Variants in LTN1 observed in about 807,000 individuals in gnomAD.
LTN1 encodes the protein E3 ubiquitin-protein ligase listerin.
A neutral mutation model predicts 201.2 loss-of-function variants in LTN1; 88 were observed. That is an observed-to-expected ratio of 0.44 (90% CI 0.37 to 0.52). LTN1 has a LOEUF of 0.52. Among genes scored for constraint, LTN1 ranks in the 20% least tolerant of loss-of-function variants. The pLI, the probability that LTN1 is intolerant of heterozygous loss-of-function variation, is 0.00. For synonymous variants in LTN1, 645 were observed against 713.5 expected (o/e 0.90, Z 1.53); for missense variants, 1,752 against 2,038.7 (o/e 0.86, Z 2.71).
chr21:28,939,201 AG>A (rs1208722645), intron 25 of LTN1, among the ~76,000 whole-genome samples: 32 of 152,370 alleles, frequency 2.1e-4, no homozygotes, highest in South Asian at 1.0e-3. Context: ...GATGATTTTA[AG>A]TAGTATACAG....
rs1172791942 is a variant in LTN1 at position 28,959,445 on chromosome 21, A to G, written c.2593+13T>C. The G allele has an allele frequency of 1.2e-6, 2 of 1,609,026 alleles. No individual in the cohort carries two copies. The highest frequency in any genetic ancestry group is 1.7e-6 in the Non-Finnish European group (2 of 1,176,750). Reference sequence around the variant, plus strand: ...GAGATTCCCAACAAAACATTTGAGCAGTAGGCTATTACCTGGCAAATGTGT... The same window carrying G: ...GAGATTCCCAACAAAACATTTGAGCGGTAGGCTATTACCTGGCAAATGTGT... On this transcript the variant is annotated intron_variant, in intron 13 of 29. Transcript: ENST00000361371.
At chr21:28,956,531 C>T (rs1340112662) in intron 16 of LTN1, among the ~76,000 whole-genome samples, 1 of 152,138 alleles carries the variant, frequency 6.6e-6, no homozygotes, top group South Asian at 2.1e-4. Flanking sequence ...TAGCTAACAC[C>T]AAATTACGAT....
rs1287558220 is a variant in LTN1, at chr21:28,930,424, G to A, written c.*24C>T. On this transcript the variant is annotated 3_prime_UTR_variant, in exon 30 of 30. Coordinates refer to ENST00000361371, the MANE Select transcript of LTN1 (RefSeq NM_015565.3). ...AATGCCTTTGTTTGATGTACTTCAG[G>A]GATCCCTTCCAGTGAAAAAAATCTC... 6.3e-7 allele frequency: 1 copy of A among 1,584,690 alleles called. No homozygotes were observed. Among genetic ancestry groups the A allele is most frequent in the South Asian group, 1.1e-5 (1 of 89,870 alleles).
chr21:28,973,291 G>A (rs1303267056), intron 6 of LTN1, among the ~76,000 whole-genome samples: 1 of 142,886 alleles, frequency 7.0e-6, no homozygotes, highest in Non-Finnish European at 1.5e-5. Context: ...AGGTTGCAAT[G>A]AGCCCAGATT....
chr21:28,964,561 G>A lies in LTN1; in HGVS notation c.2163+1304C>T. The A allele has an allele frequency of 4.7e-6, 7 of 1,504,780 alleles. No individual in the cohort carries two copies. In the South Asian group the frequency reaches 7.8e-5, roughly 17 times the overall value. The allele number at this position is 1,504,780 out of a possible 1,614,324, so 93.2% of individuals were successfully genotyped here. The stretch of plus-strand genomic sequence containing the variant: ...GTGTAACTTGCTTTATTGCTGTGGT[G>A]TGGAACTGAACTTACGATGTCTCTG... On this transcript the variant is annotated intron_variant, in intron 11 of 29. Coordinates refer to ENST00000361371, the MANE Select transcript of LTN1 (RefSeq NM_015565.3).
intron 12 of LTN1, among the ~76,000 whole-genome samples, chr21:28,960,151 G>C (rs978785437): frequency 6.6e-6 from 1 of 152,122 alleles, no homozygotes; most frequent in Admixed American, 6.5e-5. Flanking sequence ...CAGATCACCT[G>C]AGGTGAGGAG....
In LTN1 at chr21:28,930,465, G is replaced by A; in HGVS notation, c.5284C>T (p.Arg1762Cys). 1 of 1,612,610 alleles carries A rather than the reference G, an allele frequency of 6.2e-7. No homozygotes were observed. The stretch of plus-strand genomic sequence containing the variant: ...AAAAAATCTCAGAAAAACGTCTCAC[G>A]ACACAGTGGACAAGTGGATTTGTTG... ...SSNKSTCPLC[R>C]ETFF is the part of the protein sequence containing the mutation. The change falls in exon 30 of 30, where the codon CGT becomes TGT. Residue 1762 changes from arginine (R) to cysteine (C), a missense_variant. Arg to Cys is a radical substitution (Grantham distance 180). This residue lies in a region of LTN1 where 261 missense variants were observed against 350.1 expected (regional missense o/e 0.75). Transcript: ENST00000361371.
At chr21:28,963,439 G>A (rs936174834) in intron 11 of LTN1, among the ~76,000 whole-genome samples, 5 of 152,158 alleles carry the variant, frequency 3.3e-5, no homozygotes, top group Admixed American at 6.5e-5. Flanking sequence ...ATTACAGCAC[G>A]TTTATAGCGT....
At position 28,986,032 on chromosome 21, in the gene LTN1, A is replaced by G; in HGVS notation, c.345+107T>C. 1 of 662,136 alleles carries G rather than the reference A, an allele frequency of 1.5e-6. No homozygotes were observed. The allele number at this position is 662,136 out of a possible 1,614,324, so 41.0% of individuals were successfully genotyped here. A position where few individuals can be genotyped will look rare whatever the true frequency, so the allele number is the denominator to read the frequency against. On this transcript the variant is annotated intron_variant, in intron 3 of 29. Transcript: ENST00000361371. This position sits in a 1 kb window ranked among gnomAD's most constrained non-coding sequence, Gnocchi z 4.1. ...CAATCTGCATAACAATGCTGACATA[A>G]CATTTAATAACCCTCACCAAAAATC...
In LTN1 at chr21:28,945,945, T is replaced by C. The variant is rs1188639716; in HGVS notation, c.3630A>G (p.Leu1210=). 1.9e-6 allele frequency: 3 copies of C among 1,606,710 alleles called. No individual in the cohort carries two copies. Among genetic ancestry groups the C allele is most frequent in the East Asian group, 2.2e-5 (1 of 44,816 alleles). The change falls in exon 21 of 30, where the codon CTA becomes CTG. Residue 1210 remains leucine (L), a synonymous_variant. Transcript: ENST00000361371. The part of the protein sequence containing the change: ...HEDIFLFSCN[L]SEASPEVLGV... ...CCAGTACCTCTGGACTTGCTTCTGATAGATTACTGTGATAAAGATAAAAAC... is the reference window on the plus strand; with the variant it reads ...CCAGTACCTCTGGACTTGCTTCTGACAGATTACTGTGATAAAGATAAAAAC...
intron 1 of LTN1, among the ~76,000 whole-genome samples, chr21:28,990,076 T>C (rs908277783): frequency 6.6e-6 from 1 of 152,212 alleles, no homozygotes; most frequent in Non-Finnish European, 1.5e-5. Flanking sequence ...CTTTTCACTG[T>C]CTGACAAACT....
chr21:28,969,620 C>A lies in LTN1; in HGVS notation c.1176-19G>T, dbSNP rs747485291. 4.8e-5 allele frequency: 74 copies of A among 1,552,212 alleles called. No homozygotes were observed. The highest frequency in any genetic ancestry group is 6.4e-5 in the Non-Finnish European group (74 of 1,152,072). ...TGACAGCCTAAGAAATAATTAATAA[C>A]TGGATTACTCTTTCATGAAGAAGAA... On this transcript the variant is annotated intron_variant, in intron 8 of 29. Transcript: ENST00000361371.
chr21:28,936,769 G>A (rs1035458700), intron 25 of LTN1, 72 bp from the exon 26 acceptor site: 7 of 1,181,746 alleles, frequency 5.9e-6, no homozygotes, highest in Non-Finnish European at 8.4e-6. Flanking sequence ...ACAACTCAAA[G>A]TGTAACAAAT....
intron 18 of LTN1, among the ~76,000 whole-genome samples, chr21:28,950,606 C>T (rs1413097597): frequency 6.6e-6 from 1 of 152,066 alleles, no homozygotes; most frequent in African/African-American, 2.4e-5. Context: ...ACCTCCACCT[C>T]CTGAGCTCAA....
At chr21:28,980,133 A>C (rs2084646969) in intron 6 of LTN1, among the ~76,000 whole-genome samples, 1 of 152,100 alleles carries the variant, frequency 6.6e-6, no homozygotes, top group Admixed American at 6.6e-5. Flanking sequence ...TCCTTTTCAC[A>C]GTACTTTTTC....
chr21:28,986,057 C>G lies in LTN1; in HGVS notation c.345+82G>C. ...ACATTTAATAACCCTCACCAAAAAT[C>G]AACATTATAAATTTGAGAGTCTCCA... On this transcript the variant is annotated intron_variant, in intron 3 of 29. Transcript: ENST00000361371. This position sits in a 1 kb window ranked among gnomAD's most constrained non-coding sequence, Gnocchi z 4.1. 1 of 734,166 alleles carries G rather than the reference C, an allele frequency of 1.4e-6. No individual in the cohort carries two copies. The highest frequency in any genetic ancestry group is 1.5e-5 in the South Asian group (1 of 64,844). The allele number at this position is 734,166 out of a possible 1,614,324, so 45.5% of individuals were successfully genotyped here.
chr21:28,981,031 A>C, intron 6 of LTN1, 88 bp downstream of exon 6: 1 of 758,914 alleles, frequency 1.3e-6, no homozygotes, highest in South Asian at 2.9e-5. Context: ...GCAGAGTTCT[A>C]AGTATAAACA....
In LTN1 at chr21:28,932,642, C is replaced by T. The variant is rs368137646; in HGVS notation, c.4898G>A (p.Arg1633Gln). The T allele has an allele frequency of 3.8e-5, 61 of 1,611,298 alleles. No homozygotes were observed. Among genetic ancestry groups the T allele is most frequent in the Non-Finnish European group, 4.9e-5 (58 of 1,179,044 alleles). ...AATAGTATAAGTAGCCATTACCTCTCGAGTAGTAGCTCGAGCTTTAACCTG... is the reference window on the plus strand; with the variant it reads ...AATAGTATAAGTAGCCATTACCTCTTGAGTAGTAGCTCGAGCTTTAACCTG... The part of the protein sequence containing the change: ...GMTVKARATT[R>Q]EVMATYTIED... The change falls in exon 28 of 30, where the codon CGA becomes CAA. Residue 1633 changes from arginine to glutamine, a missense_variant. By Grantham distance (43) the Arg-to-Gln change is conservative. Around this residue, in one of 3 missense-constraint regions of LTN1, gnomAD observed 261 missense variants for 350.1 expected, o/e 0.75. Coordinates refer to ENST00000361371, the MANE Select transcript of LTN1 (RefSeq NM_015565.3).
Position 28,958,556 on chromosome 21 carries a change from A to G in LTN1, c.2594-17T>C, listed in dbSNP as rs759118476. 6.4e-6 allele frequency: 10 copies of G among 1,572,500 alleles called. No homozygotes were observed. The highest frequency in any genetic ancestry group is 4.7e-5 in the South Asian group (4 of 85,588). ...TAAGAAAATCTAAAATCAAGATGTC[A>G]ACAGGAATTTGTAATCTCACTGAAT... On this transcript the variant is annotated splice_polypyrimidine_tract_variant and intron_variant, in intron 13 of 29. Coordinates refer to ENST00000361371, the MANE Select transcript of LTN1 (RefSeq NM_015565.3).
Sources: gnomAD v4.1 joint callset for allele counts (sites outside exome capture counted in the v4.1 genomes callset) on GRCh38, gnomAD v4.1.1 for gene constraint, gnomAD v4.1.1 regional missense constraint, Gnocchi (gnomAD v3.1) non-coding constraint, MANE v1.5 for transcripts, NCBI Gene and HGNC (gene_info 2026-07-23, HGNC 2026-07-21) for gene names.